Variants in VKORC1L1 observed in about 807,000 individuals in gnomAD.
VKORC1L1 encodes vitamin K epoxide reductase complex subunit 1-like protein 1.
VKORC1L1 carries 2 observed loss-of-function variants against 18.9 expected under a neutral mutation model. The ratio of observed to expected loss-of-function variants is 0.11; its 90% CI spans 0.04 to 0.33. The LOEUF (loss-of-function observed/expected upper bound fraction) is 0.33. Ranked by LOEUF, VKORC1L1 falls within the 10% of genes least tolerant of loss-of-function variation. The probability of loss-of-function intolerance (pLI) is 1.00; values close to 1 mark genes in which losing one functional copy is unlikely to be tolerated. For synonymous variants in VKORC1L1, 96 were observed against 100.0 expected (o/e 0.96, Z 0.24); for missense variants, 123 against 224.1 (o/e 0.55, Z 2.88).
chr7:65,876,903 G>A (rs1381661153), intron 1 of VKORC1L1, among the ~76,000 whole-genome samples: 1 of 152,114 alleles, frequency 6.6e-6, no homozygotes, highest in East Asian at 1.9e-4. Flanking sequence ...AACGTTAACC[G>A]GGCATGGTGG....
intron 1 of VKORC1L1, among the ~76,000 whole-genome samples, chr7:65,881,892 C>T (rs576467102): frequency 3.9e-5 from 6 of 151,970 alleles, no homozygotes; most frequent in Non-Finnish European, 7.4e-5. Flanking sequence ...CCAGCTTGGC[C>T]AACATGGTGA....
chr7:65,886,709 T>TTG (rs1271420169), intron 1 of VKORC1L1, among the ~76,000 whole-genome samples: 1 of 151,104 alleles, frequency 6.6e-6, no homozygotes, highest in Non-Finnish European at 1.5e-5. Context: ...GGCTAATTTT[T>TTG]TATATTTTTA....
Position 65,954,474 on chromosome 7 carries a change from G to C in VKORC1L1, c.*174G>C, listed in dbSNP as rs73372607. 3.1e-4 allele frequency: 354 copies of C among 1,130,900 alleles called. 1 individual carries two copies. In the African/African-American group the frequency reaches 5.0e-3, roughly 16 times the overall value. The allele number at this position is 1,130,900 out of a possible 1,614,324, so 70.1% of individuals were successfully genotyped here. A position where few individuals can be genotyped will look rare whatever the true frequency, so the allele number is the denominator to read the frequency against. On this transcript the variant is annotated 3_prime_UTR_variant, in exon 3 of 3. Coordinates refer to ENST00000360768, the MANE Select transcript of VKORC1L1 (RefSeq NM_173517.6). ...AGAAGGGGCCCTCGCTATTTTCTGTGTCAGTCTTCATTTTAAATATGGATA... is the reference window on the plus strand; with the variant it reads ...AGAAGGGGCCCTCGCTATTTTCTGTCTCAGTCTTCATTTTAAATATGGATA...
intron 1 of VKORC1L1, among the ~76,000 whole-genome samples, chr7:65,899,949 A>G (rs909680487): frequency 2.2e-4 from 33 of 151,068 alleles, no homozygotes; most frequent in Non-Finnish European, 4.3e-4. Context: ...GCAGTGACCC[A>G]AGATCACGCC....
intron 1 of VKORC1L1, among the ~76,000 whole-genome samples, chr7:65,933,077 C>CAAAAAAAA (rs59403784): frequency 1.5e-5 from 1 of 65,356 alleles, no homozygotes; most frequent in Non-Finnish European, 3.1e-5. Flanking sequence ...GACTTCGTCT[C>CAAAAAAAA]AAAAAAAAAA....
At chr7:65,918,465 T>C (rs1253463230) in intron 1 of VKORC1L1, among the ~76,000 whole-genome samples, 2 of 152,238 alleles carry the variant, frequency 1.3e-5, no homozygotes, top group Non-Finnish European at 2.9e-5. Context: ...CGCTTTTACA[T>C]AGGAGAGACA....
chr7:65,888,042 T>C (rs1404230120), intron 1 of VKORC1L1, among the ~76,000 whole-genome samples: 2 of 152,204 alleles, frequency 1.3e-5, no homozygotes, highest in East Asian at 1.9e-4. Flanking sequence ...TTCTTTCTCG[T>C]TGAATCTGTG....
intron 1 of VKORC1L1, among the ~76,000 whole-genome samples, chr7:65,886,112 A>G (rs1562982967): frequency 1.3e-5 from 2 of 152,220 alleles, no homozygotes; most frequent in Non-Finnish European, 2.9e-5. Flanking sequence ...AGAGTAAATT[A>G]GTTGAGGGAA....
intron 1 of VKORC1L1, among the ~76,000 whole-genome samples, chr7:65,920,266 T>C (rs1789653628): frequency 6.6e-6 from 1 of 152,160 alleles, no homozygotes. Flanking sequence ...TCTCTCTCCA[T>C]GAGAGGGTAG....
intron 1 of VKORC1L1, among the ~76,000 whole-genome samples, chr7:65,902,959 C>T (rs541426128): frequency 3.5e-4 from 53 of 152,074 alleles, no homozygotes; most frequent in African/African-American, 1.1e-3. Flanking sequence ...CTCCGCCTCC[C>T]GGGTTCAAGT....
Position 65,954,715 on chromosome 7 carries a change from A to T in VKORC1L1, c.*415A>T, listed in dbSNP as rs1271715968. 5.2e-6 allele frequency: 1 copy of T among 193,514 alleles called. No homozygotes were observed. Among genetic ancestry groups the T allele is most frequent in the Non-Finnish European group, 1.1e-5 (1 of 94,902 alleles). The allele number at this position is 193,514 out of a possible 1,614,324, so 12.0% of individuals were successfully genotyped here. ...AATAGATACTGTATTAAATATTGCC[A>T]TGTTTACAATATGTAATATGTTTTT... is the stretch of plus-strand genomic sequence containing the variant. On this transcript the variant is annotated 3_prime_UTR_variant, in exon 3 of 3. Coordinates refer to ENST00000360768, the MANE Select transcript of VKORC1L1 (RefSeq NM_173517.6).
At chr7:65,907,207 G>A (rs1341207932) in intron 1 of VKORC1L1, among the ~76,000 whole-genome samples, 4 of 152,230 alleles carry the variant, frequency 2.6e-5, no homozygotes, top group South Asian at 4.1e-4. Context: ...TTGGGAGGCC[G>A]AGGCAGGCAC....
At chr7:65,873,063 C>T (rs1421391386), upstream of VKORC1L1, among the ~76,000 whole-genome samples, 4 of 146,558 alleles carry the variant, frequency 2.7e-5, no homozygotes, top group Non-Finnish European at 6.1e-5. Flanking sequence ...GGCGCAGCGC[C>T]ACGCCGCCTC....
intron 1 of VKORC1L1, among the ~76,000 whole-genome samples, chr7:65,911,225 T>C (rs1416887572): frequency 1.3e-5 from 2 of 152,250 alleles, no homozygotes; most frequent in Non-Finnish European, 1.5e-5. Flanking sequence ...AGCTTGTTTA[T>C]CCATATGTAA....
intron 1 of VKORC1L1, among the ~76,000 whole-genome samples, chr7:65,917,333 T>C (rs1315386721): frequency 1.3e-5 from 2 of 152,228 alleles, no homozygotes; most frequent in Non-Finnish European, 1.5e-5. Flanking sequence ...CTGCTGTGCA[T>C]GTGGCTATGA....
chr7:65,928,237 C>G (rs921357453), intron 1 of VKORC1L1, among the ~76,000 whole-genome samples: 12 of 151,414 alleles, frequency 7.9e-5, no homozygotes, highest in African/African-American at 2.9e-4. Flanking sequence ...CAATCCCTAC[C>G]CCTACCTTTT....
At chr7:65,944,254 G>A (rs987773961) in intron 1 of VKORC1L1, among the ~76,000 whole-genome samples, 1 of 151,968 alleles carries the variant, frequency 6.6e-6, no homozygotes, top group African/African-American at 2.4e-5. Flanking sequence ...TGTAATCCCA[G>A]CTACTTTAGG....
At chr7:65,869,109 G>A (rs1788694906), upstream of VKORC1L1, among the ~76,000 whole-genome samples, 3 of 152,086 alleles carry the variant, frequency 2.0e-5, 1 homozygote, top group South Asian at 6.2e-4. Context: ...GAGGTCAGGA[G>A]ATCAAGACCA....
At position 65,954,557 on chromosome 7, in the gene VKORC1L1, C is replaced by G; in HGVS notation, c.*257C>G. 1.7e-6 allele frequency: 1 copy of G among 602,938 alleles called. No individual in the cohort carries two copies. The highest frequency in any genetic ancestry group is 2.6e-6 in the Non-Finnish European group (1 of 384,562). 37.3% of individuals were successfully genotyped at this position (602,938 alleles called of 1,614,324 possible). A position where few individuals can be genotyped will look rare whatever the true frequency, so the allele number is the denominator to read the frequency against. On this transcript the variant is annotated 3_prime_UTR_variant, in exon 3 of 3. Coordinates refer to ENST00000360768, the MANE Select transcript of VKORC1L1 (RefSeq NM_173517.6). ...GCTTTAACTTTACTTTGAAGTGTTT[C>G]TGAAATGATAAAATGTAGCCCTAGC...
Sources: allele counts gnomAD v4.1 joint callset (sites outside exome capture counted in the v4.1 genomes callset), GRCh38; gene constraint gnomAD v4.1.1; transcripts MANE v1.5; gene names NCBI Gene and HGNC (gene_info 2026-07-23, HGNC 2026-07-21).